The following RAP2B variants were observed in gnomAD, a reference collection of about 807,000 sequenced individuals.
The protein encoded by RAP2B is RAP2B, member of RAS oncogene family.
In RAP2B, 6 loss-of-function variants were observed where a neutral mutation model predicts 14.4. The observed-to-expected ratio is 0.42, with a 90% CI of 0.23 to 0.82. The LOEUF is 0.82. Ranked by LOEUF, RAP2B falls within the 40% of genes least tolerant of loss-of-function variation. The probability of loss-of-function intolerance (pLI) is 0.30; values close to 1 mark genes in which losing one functional copy is unlikely to be tolerated. For synonymous variants in RAP2B, 118 were observed against 113.2 expected, an observed-to-expected ratio of 1.04 and a Z score of -0.27; for missense variants, 137 against 248.2, an observed-to-expected ratio of 0.55 and a Z score of 3.01.
chr3:153,170,323 A>AT lies in RAP2B; in HGVS notation c.*7080dup, dbSNP rs772816528. The AT allele has an allele frequency of 3.9e-5, 6 of 152,232 alleles. No individual in the cohort carries two copies. The highest frequency in any genetic ancestry group is 8.8e-5 in the Non-Finnish European group (6 of 68,032). 9.4% of individuals were successfully genotyped at this position (152,232 alleles called of 1,614,324 possible). ...GGAAATTGGTAAACAGCTGAAATTG[A>AT]TTCATTGATTATTCAACACTTATTG... On this transcript the variant is annotated 3_prime_UTR_variant, in exon 1 of 1. Coordinates refer to ENST00000323534, the MANE Select transcript of RAP2B (RefSeq NM_002886.4).
In RAP2B at chr3:153,163,240, C is replaced by T. The variant is rs1713460594; in HGVS notation, c.547C>T (p.Leu183Phe). ...GGGCTGCTGCTCGGCCTGCGTGATCCTCTGAGGCGGCCACCGCGCGCCGGC... is the reference window on the plus strand; with the variant it reads ...GGGCTGCTGCTCGGCCTGCGTGATCTTCTGAGGCGGCCACCGCGCGCCGGC... ...DEGCCSACVI[L>F] The change falls in exon 1 of 1, where the codon CTC becomes TTC. Residue 183 changes from leucine to phenylalanine, a missense_variant. Transcript: ENST00000323534. The T allele has an allele frequency of 1.9e-6, 3 of 1,543,012 alleles. No homozygotes were observed. Among genetic ancestry groups the T allele is most frequent in the Admixed American group, 2.2e-5 (1 of 46,460 alleles).
Position 153,165,803 on chromosome 3 carries a change from C to G in RAP2B, c.*2558C>G, listed in dbSNP as rs1713561039. The G allele has an allele frequency of 6.0e-6, 1 of 166,866 alleles. No individual in the cohort carries two copies. The highest frequency in any genetic ancestry group is 6.5e-5 in the Admixed American group (1 of 15,268). The allele number at this position is 166,866 out of a possible 1,614,324, so 10.3% of individuals were successfully genotyped here. A position where few individuals can be genotyped will look rare whatever the true frequency, so the allele number is the denominator to read the frequency against. On this transcript the variant is annotated 3_prime_UTR_variant, in exon 1 of 1. Transcript: ENST00000323534. ...TTAAAAGATACTGTATAATTTTATG[C>G]CTTTGCAAAGATTCGTTCTTGTATT...
Position 153,162,554 on chromosome 3 carries a change from C to A in RAP2B, c.-140C>A. 1 of 1,060,148 alleles carries A rather than the reference C, an allele frequency of 9.4e-7. No homozygotes were observed. 65.7% of individuals were successfully genotyped at this position (1,060,148 alleles called of 1,614,324 possible). A position where few individuals can be genotyped will look rare whatever the true frequency, so the allele number is the denominator to read the frequency against. ...CCTCCGTTCGGTGGTTTCCGCCCTG[C>A]GTTCTCTGGGTTGCTCTCTCCTGGG... On this transcript the variant is annotated 5_prime_UTR_variant, in exon 1 of 1. Transcript: ENST00000323534. This position sits in a 1 kb window ranked among gnomAD's most constrained non-coding sequence, Gnocchi z 4.9.
Position 153,162,404 on chromosome 3 carries a change from C to T in RAP2B, c.-290C>T, listed in dbSNP as rs1713425610. The T allele has an allele frequency of 4.3e-6, 1 of 232,116 alleles. No homozygotes were observed. Among genetic ancestry groups the T allele is most frequent in the South Asian group, 1.7e-4 (1 of 5,862 alleles). The allele number at this position is 232,116 out of a possible 1,614,324, so 14.4% of individuals were successfully genotyped here. A position where few individuals can be genotyped will look rare whatever the true frequency, so the allele number is the denominator to read the frequency against. On this transcript the variant is annotated 5_prime_UTR_variant, in exon 1 of 1. Transcript: ENST00000323534. The surrounding 1 kb of genome is among the most constrained non-coding windows in gnomAD (Gnocchi z 4.9). Reference sequence around the variant, plus strand: ...TAGGAGCTCCAGCCGTCGCCTCGCGCAGGCTGCGGGCATTGTCCTCTCGGT... The same window carrying T: ...TAGGAGCTCCAGCCGTCGCCTCGCGTAGGCTGCGGGCATTGTCCTCTCGGT...
At position 153,165,707 on chromosome 3, in the gene RAP2B, C is replaced by T. The variant is rs1713556923; in HGVS notation, c.*2462C>T. ...TCCTACTGCCATTTTTTTTTTCCCA[C>T]TCTGATCTCACTTAAGTTTGATATC... On this transcript the variant is annotated 3_prime_UTR_variant, in exon 1 of 1. Transcript: ENST00000323534. 1 of 166,368 alleles carries T rather than the reference C, an allele frequency of 6.0e-6. No individual in the cohort carries two copies. Among genetic ancestry groups the T allele is most frequent in the Non-Finnish European group, 1.5e-5 (1 of 67,996 alleles). 10.3% of individuals were successfully genotyped at this position (166,368 alleles called of 1,614,324 possible).
rs762761720 is a variant in RAP2B, at chr3:153,163,090, G to A, written c.397G>A (p.Ala133Thr). ...EREVSYGEGK[A>T]LAEEWSCPFM... Reference sequence around the variant, plus strand: ...CGAGGTCTCGTACGGGGAGGGCAAGGCCCTGGCTGAGGAGTGGAGCTGCCC... The same window carrying A: ...CGAGGTCTCGTACGGGGAGGGCAAGACCCTGGCTGAGGAGTGGAGCTGCCC... The change falls in exon 1 of 1, where the codon GCC becomes ACC. Residue 133 changes from alanine (A) to threonine (T), a missense_variant. By Grantham distance (58) the Ala-to-Thr change is moderately conservative. Coordinates refer to ENST00000323534, the MANE Select transcript of RAP2B (RefSeq NM_002886.4). 1.2e-6 allele frequency: 2 copies of A among 1,613,942 alleles called. No individual in the cohort carries two copies. The highest frequency in any genetic ancestry group is 1.6e-4 in the Middle Eastern group (1 of 6,062).
In RAP2B at chr3:153,163,085, G is replaced by C; in HGVS notation, c.392G>C (p.Gly131Ala). Residue 131 changes from glycine (G) to alanine (A), a missense_variant, in exon 1 of 1, where the codon GGC becomes GCC. By Grantham distance (60) the Gly-to-Ala change is moderately conservative (BLOSUM62 0). This residue lies in a region of RAP2B where 106 missense variants were observed against 143.5 expected (regional missense o/e 0.74). Transcript: ENST00000323534. ...GAGCGCGAGGTCTCGTACGGGGAGG[G>C]CAAGGCCCTGGCTGAGGAGTGGAGC... is the stretch of plus-strand genomic sequence containing the variant. ...EGEREVSYGE[G>A]KALAEEWSCP... The C allele has an allele frequency of 6.2e-7, 1 of 1,613,972 alleles. No homozygotes were observed. The highest frequency in any genetic ancestry group is 8.5e-7 in the Non-Finnish European group (1 of 1,180,036).
Position 153,163,916 on chromosome 3 carries a change from C to G in RAP2B, c.*671C>G, listed in dbSNP as rs186168687. 1 of 166,978 alleles carries G rather than the reference C, an allele frequency of 6.0e-6. No homozygotes were observed. The highest frequency in any genetic ancestry group is 1.9e-4 in the East Asian group (1 of 5,176). The allele number at this position is 166,978 out of a possible 1,614,324, so 10.3% of individuals were successfully genotyped here. On this transcript the variant is annotated 3_prime_UTR_variant, in exon 1 of 1. Coordinates refer to ENST00000323534, the MANE Select transcript of RAP2B (RefSeq NM_002886.4). ...GGATTCTTGTTACAGTGTATCCAATCTGAAGTATTGCACATCTGAACTGGG... is the reference window on the plus strand; with the variant it reads ...GGATTCTTGTTACAGTGTATCCAATGTGAAGTATTGCACATCTGAACTGGG...
Position 153,167,662 on chromosome 3 carries a change from A to G in RAP2B, c.*4417A>G, listed in dbSNP as rs781583388. The G allele has an allele frequency of 2.4e-5, 4 of 167,116 alleles. No homozygotes were observed. Among genetic ancestry groups the G allele is most frequent in the Non-Finnish European group, 5.9e-5 (4 of 68,116 alleles). The allele number at this position is 167,116 out of a possible 1,614,324, so 10.4% of individuals were successfully genotyped here. A position where few individuals can be genotyped will look rare whatever the true frequency, so the allele number is the denominator to read the frequency against. ...GCTAAAGAGGACATATACCATTTAT[A>G]CTAAGACTAACTGTTGTGTGTGAAA... On this transcript the variant is annotated 3_prime_UTR_variant, in exon 1 of 1. Transcript: ENST00000323534.
At position 153,162,378 on chromosome 3, in the gene RAP2B, C is replaced by G. The variant is rs974577058; in HGVS notation, c.-316C>G. On this transcript the variant is annotated 5_prime_UTR_variant, in exon 1 of 1. Transcript: ENST00000323534. The surrounding 1 kb of genome is among the most constrained non-coding windows in gnomAD (Gnocchi z 4.9). ...TCCCTGCCCTCCCGGGCTGCCGCAG[C>G]TAGGAGCTCCAGCCGTCGCCTCGCG... 11 of 197,368 alleles carry G rather than the reference C, an allele frequency of 5.6e-5. No individual in the cohort carries two copies. Among genetic ancestry groups the G allele is most frequent in the Non-Finnish European group, 1.0e-5 (1 of 98,434 alleles). The allele number at this position is 197,368 out of a possible 1,614,324, so 12.2% of individuals were successfully genotyped here.
rs1162905301 is a variant in RAP2B at position 153,169,745 on chromosome 3, G to A, written c.*6500G>A. On this transcript the variant is annotated 3_prime_UTR_variant, in exon 1 of 1. Coordinates refer to ENST00000323534, the MANE Select transcript of RAP2B (RefSeq NM_002886.4). ...GGCGTGAGCCACTGCACCCGGCTGA[G>A]ATGATAATTTTATTTAAAAAAAAAA... The A allele has an allele frequency of 6.6e-6, 1 of 151,826 alleles. No homozygotes were observed. Among genetic ancestry groups the A allele is most frequent in the African/African-American group, 2.4e-5 (1 of 41,154 alleles). The allele number at this position is 151,826 out of a possible 1,614,324, so 9.4% of individuals were successfully genotyped here.
In RAP2B at chr3:153,163,267, G is replaced by A. The variant is rs1713462051; in HGVS notation, c.*22G>A. ...CTGAGGCGGCCACCGCGCGCCGGCC[G>A]CGCTCTGCGCACAAAAGCCAAACGC... On this transcript the variant is annotated 3_prime_UTR_variant, in exon 1 of 1. Transcript: ENST00000323534. 2 of 1,506,770 alleles carry A rather than the reference G, an allele frequency of 1.3e-6. No homozygotes were observed. The highest frequency in any genetic ancestry group is 2.6e-5 in the South Asian group (2 of 75,700). The allele number at this position is 1,506,770 out of a possible 1,614,324, so 93.3% of individuals were successfully genotyped here. A position where few individuals can be genotyped will look rare whatever the true frequency, so the allele number is the denominator to read the frequency against.
Position 153,162,642 on chromosome 3 carries a change from C to A in RAP2B, c.-52C>A. 2 of 1,528,476 alleles carry A rather than the reference C, an allele frequency of 1.3e-6. No individual in the cohort carries two copies. The highest frequency in any genetic ancestry group is 1.8e-6 in the Non-Finnish European group (2 of 1,141,384). The allele number at this position is 1,528,476 out of a possible 1,614,324, so 94.7% of individuals were successfully genotyped here. ...AGCCGCCAAGCCCAGCCTTCCCCGG[C>A]GCGCAGCCCCGACGGGGCCGCGGCA... is the stretch of plus-strand genomic sequence containing the variant. On this transcript the variant is annotated 5_prime_UTR_variant, in exon 1 of 1. Coordinates refer to ENST00000323534, the MANE Select transcript of RAP2B (RefSeq NM_002886.4). This position sits in a 1 kb window ranked among gnomAD's most constrained non-coding sequence, Gnocchi z 4.9.
chr3:153,162,697 A>G lies in RAP2B; in HGVS notation c.4A>G (p.Arg2Gly). 1 of 1,604,508 alleles carries G rather than the reference A, an allele frequency of 6.2e-7. No homozygotes were observed. The highest frequency in any genetic ancestry group is 8.5e-7 in the Non-Finnish European group (1 of 1,173,994). Residue 2 changes from arginine to glycine, a missense_variant, in exon 1 of 1, where the codon AGA becomes GGA. Physicochemically the swap from Arg to Gly is moderately radical, Grantham distance 125 (BLOSUM62 -2). This residue lies in a region of RAP2B where 31 missense variants were observed against 104.7 expected (regional missense o/e 0.30). Coordinates refer to ENST00000323534, the MANE Select transcript of RAP2B (RefSeq NM_002886.4). The surrounding 1 kb of genome is among the most constrained non-coding windows in gnomAD (Gnocchi z 4.9). Reference sequence around the variant, plus strand: ...CGGCGAGAGCGCTGACGGAGCCATGAGAGAGTACAAAGTGGTGGTGCTGGG... The same window carrying G: ...CGGCGAGAGCGCTGACGGAGCCATGGGAGAGTACAAAGTGGTGGTGCTGGG... MREYKVVVLGSG... is the reference protein window; with the variant it reads MGEYKVVVLGSG...
In RAP2B at chr3:153,165,946, T is replaced by C. The variant is rs1713564735; in HGVS notation, c.*2701T>C. 6.0e-6 allele frequency: 1 copy of C among 167,088 alleles called. No homozygotes were observed. The highest frequency in any genetic ancestry group is 6.5e-5 in the Admixed American group (1 of 15,284). The allele number at this position is 167,088 out of a possible 1,614,324, so 10.4% of individuals were successfully genotyped here. A position where few individuals can be genotyped will look rare whatever the true frequency, so the allele number is the denominator to read the frequency against. On this transcript the variant is annotated 3_prime_UTR_variant, in exon 1 of 1. Coordinates refer to ENST00000323534, the MANE Select transcript of RAP2B (RefSeq NM_002886.4). ...TTTGGCATTTAACTGTCTCTTGTTTTATTTTTAAGTTTTTGGAAACCTTTT... is the reference window on the plus strand; with the variant it reads ...TTTGGCATTTAACTGTCTCTTGTTTCATTTTTAAGTTTTTGGAAACCTTTT...
rs1003399190 is a variant in RAP2B, at chr3:153,164,430, T to C, written c.*1185T>C. 1.8e-5 allele frequency: 3 copies of C among 167,094 alleles called. No individual in the cohort carries two copies. The highest frequency in any genetic ancestry group is 4.4e-5 in the Non-Finnish European group (3 of 68,124). 10.4% of individuals were successfully genotyped at this position (167,094 alleles called of 1,614,324 possible). A position where few individuals can be genotyped will look rare whatever the true frequency, so the allele number is the denominator to read the frequency against. ...AGCCAGGACAATAGGGCCTGTTGTTTAGTGAATTTCTTTATTATTTTCAGC... is the reference window on the plus strand; with the variant it reads ...AGCCAGGACAATAGGGCCTGTTGTTCAGTGAATTTCTTTATTATTTTCAGC... On this transcript the variant is annotated 3_prime_UTR_variant, in exon 1 of 1. Coordinates refer to ENST00000323534, the MANE Select transcript of RAP2B (RefSeq NM_002886.4).
Position 153,167,911 on chromosome 3 carries a change from C to G in RAP2B, c.*4666C>G, listed in dbSNP as rs755353127. ...TAAAAGGGGACACTTTATTTGTCTT[C>G]TCTTCAACATTAAAAAACAAAGATT... On this transcript the variant is annotated 3_prime_UTR_variant, in exon 1 of 1. Coordinates refer to ENST00000323534, the MANE Select transcript of RAP2B (RefSeq NM_002886.4). 4 of 166,934 alleles carry G rather than the reference C, an allele frequency of 2.4e-5. No individual in the cohort carries two copies. The highest frequency in any genetic ancestry group is 5.9e-5 in the Non-Finnish European group (4 of 68,112). 10.3% of individuals were successfully genotyped at this position (166,934 alleles called of 1,614,324 possible). A position where few individuals can be genotyped will look rare whatever the true frequency, so the allele number is the denominator to read the frequency against.
In RAP2B at chr3:153,164,271, A is replaced by T. The variant is rs924211709; in HGVS notation, c.*1026A>T. 3 of 167,020 alleles carry T rather than the reference A, an allele frequency of 1.8e-5. No individual in the cohort carries two copies. In the East Asian group the frequency reaches 5.8e-4, roughly 32 times the overall value. The allele number at this position is 167,020 out of a possible 1,614,324, so 10.3% of individuals were successfully genotyped here. On this transcript the variant is annotated 3_prime_UTR_variant, in exon 1 of 1. Coordinates refer to ENST00000323534, the MANE Select transcript of RAP2B (RefSeq NM_002886.4). ...GTAAATGTGATTCAGGGCCCCCAGC[A>T]CCCCTGTGTCTGCAGAGTGCCTTCA...
chr3:153,164,064 T>G lies in RAP2B; in HGVS notation c.*819T>G, dbSNP rs968682134. ...GGGAGTCTGGGGGAGAATGGTAGTA[T>G]TTTTTTTTTTTATCAGCTGTGAAAA... On this transcript the variant is annotated 3_prime_UTR_variant, in exon 1 of 1. Coordinates refer to ENST00000323534, the MANE Select transcript of RAP2B (RefSeq NM_002886.4). The G allele has an allele frequency of 2.8e-5, 4 of 143,444 alleles. No individual in the cohort carries two copies. Among genetic ancestry groups the G allele is most frequent in the Non-Finnish European group, 6.2e-5 (4 of 64,848 alleles). 8.9% of individuals were successfully genotyped at this position (143,444 alleles called of 1,614,324 possible).
Sources: gnomAD v4.1 joint callset for allele counts on GRCh38, gnomAD v4.1.1 for gene constraint, gnomAD v4.1.1 regional missense constraint, Gnocchi (gnomAD v3.1) non-coding constraint, MANE v1.5 for transcripts, NCBI Gene and HGNC (gene_info 2026-07-23, HGNC 2026-07-21) for gene names.